Variants in CAAP1 observed in about 807,000 individuals in gnomAD.
The protein encoded by CAAP1 is conserved anti-apoptotic protein.
A neutral mutation model predicts 34.0 loss-of-function variants in CAAP1; 20 were observed. That is an observed-to-expected ratio of 0.59 (90% confidence interval 0.41 to 0.86). The LOEUF is 0.86. Ranked by LOEUF, CAAP1 falls within the 40% of genes least tolerant of loss-of-function variation. The probability of loss-of-function intolerance (pLI) is 0.00; values close to 1 mark genes in which losing one functional copy is unlikely to be tolerated. For synonymous variants in CAAP1, 213 were observed against 166.7 expected, an observed-to-expected ratio of 1.28 and a Z score of -2.14; for missense variants, 538 against 450.5, an observed-to-expected ratio of 1.19 and a Z score of -1.76.
intron 2 of CAAP1, 96 bp from the exon 3 acceptor site, chr9:26,886,284 C>G: frequency 2.0e-6 from 1 of 504,728 alleles, no homozygotes; most frequent in Non-Finnish European, 3.3e-6. Context: ...TTAGCAAAAT[C>G]TTACAATAAA....
chr9:26,872,327 T>A (rs1823297708), intron 4 of CAAP1, among the ~76,000 whole-genome samples: 1 of 152,134 alleles, frequency 6.6e-6, no homozygotes, highest in African/African-American at 2.4e-5. Flanking sequence ...AGTTGCAGAC[T>A]ACATAAGAAA....
chr9:26,875,378 CCT>C (rs1823403513), intron 4 of CAAP1, among the ~76,000 whole-genome samples: 1 of 151,844 alleles, frequency 6.6e-6, no homozygotes, highest in African/African-American at 2.4e-5. Context: ...AGAGTGAGAC[CCT>C]GTCTCAAAAT....
rs987352016 is a variant in CAAP1, at chr9:26,892,670, T to C, written c.46A>G (p.Ser16Gly). ...GCGAGCGCTGCGGCCGCCTCCTGAC[T>C]GCTACGTTTGCGCCGTTTCTCCCGG... ...SSREKRRKRS[S>G]QEAAAALAAP... Residue 16 changes from serine to glycine, a missense_variant, in exon 1 of 6, where the codon AGT becomes GGT. By Grantham distance (56) the Ser-to-Gly change is moderately conservative (BLOSUM62 0). This residue lies in a region of CAAP1 where 514 missense variants were observed against 408.4 expected (regional missense o/e 1.26). Transcript: ENST00000333916. 2 of 1,606,074 alleles carry C rather than the reference T, an allele frequency of 1.2e-6. No homozygotes were observed. Among genetic ancestry groups the C allele is most frequent in the South Asian group, 1.1e-5 (1 of 90,936 alleles).
Position 26,842,173 on chromosome 9 carries a change from G to T in CAAP1, c.*128C>A. ...AAAGAAACAGCCACAGGTAATTTAG[G>T]GCTAAAATGAGTCCTAATAAGGGTT... On this transcript the variant is annotated 3_prime_UTR_variant, in exon 6 of 6. Coordinates refer to ENST00000333916, the MANE Select transcript of CAAP1 (RefSeq NM_024828.4). The T allele has an allele frequency of 1.5e-6, 1 of 661,814 alleles. No homozygotes were observed. Among genetic ancestry groups the T allele is most frequent in the South Asian group, 2.6e-5 (1 of 38,928 alleles). The allele number at this position is 661,814 out of a possible 1,614,324, so 41.0% of individuals were successfully genotyped here. A position where few individuals can be genotyped will look rare whatever the true frequency, so the allele number is the denominator to read the frequency against.
intron 4 of CAAP1, among the ~76,000 whole-genome samples, chr9:26,870,972 C>T (rs1201671616): frequency 6.6e-6 from 1 of 152,064 alleles, no homozygotes; most frequent in African/African-American, 2.4e-5. Flanking sequence ...CAGATTTATG[C>T]TGCCCATCAA....
chr9:26,877,921 T>C (rs987457374), intron 4 of CAAP1, among the ~76,000 whole-genome samples: 1 of 151,848 alleles, frequency 6.6e-6, no homozygotes, highest in African/African-American at 2.4e-5. Flanking sequence ...TTCTTAATGT[T>C]TTAGTATTTT....
chr9:26,880,969 C>G (rs1354388539), intron 4 of CAAP1, among the ~76,000 whole-genome samples: 2 of 152,158 alleles, frequency 1.3e-5, no homozygotes, highest in African/African-American at 4.8e-5. Context: ...AGCAAGTGTG[C>G]CAAGCCCTCT....
rs772212142 is a variant in CAAP1 at position 26,842,376 on chromosome 9, C to T, written c.1011G>A (p.Glu337=). 2 of 1,614,104 alleles carry T rather than the reference C, an allele frequency of 1.2e-6. No homozygotes were observed. The highest frequency in any genetic ancestry group is 1.7e-6 in the Non-Finnish European group (2 of 1,180,010). ...EDVQPSAQQL[E]LLELEMRARA... ...TTGCCCTCATCTCAAGTTCTAGCAG[C>T]TCCAGTTGCTGTGCAGAAGGTTGAA... is the stretch of plus-strand genomic sequence containing the variant. Residue 337 remains glutamate, a synonymous_variant, in exon 6 of 6, where the codon GAG becomes GAA. Coordinates refer to ENST00000333916, the MANE Select transcript of CAAP1 (RefSeq NM_024828.4).
intron 5 of CAAP1, among the ~76,000 whole-genome samples, chr9:26,859,674 G>C (rs1404882682): frequency 1.3e-5 from 2 of 152,138 alleles, no homozygotes; most frequent in Non-Finnish European, 2.9e-5. Flanking sequence ...TATGTGTTTA[G>C]CATGTATTTA....
intron 4 of CAAP1, among the ~76,000 whole-genome samples, chr9:26,865,965 G>C (rs1042561480): frequency 6.6e-6 from 1 of 152,096 alleles, no homozygotes; most frequent in Non-Finnish European, 1.5e-5. Flanking sequence ...TCCTGCCTCA[G>C]CCACCCGAGT....
chr9:26,875,762 G>A (rs1823413479), intron 4 of CAAP1, among the ~76,000 whole-genome samples: 1 of 151,838 alleles, frequency 6.6e-6, no homozygotes, highest in African/African-American at 2.4e-5. Context: ...CTAATTTTTT[G>A]CATGCCCAGG....
At position 26,842,642 on chromosome 9, in the gene CAAP1, C is replaced by G. The variant is rs1822508597; in HGVS notation, c.745G>C (p.Gly249Arg). 1 of 1,589,864 alleles carries G rather than the reference C, an allele frequency of 6.3e-7. No individual in the cohort carries two copies. Among genetic ancestry groups the G allele is most frequent in the African/African-American group, 1.4e-5 (1 of 73,674 alleles). The change falls in exon 6 of 6, where the codon GGG (glycine) becomes CGG (arginine). Residue 249 changes from glycine to arginine, a missense_variant. By Grantham distance (125) the Gly-to-Arg change is moderately radical. Around this residue, in one of 3 missense-constraint regions of CAAP1, gnomAD observed 514 missense variants for 408.4 expected, o/e 1.26. Coordinates refer to ENST00000333916, the MANE Select transcript of CAAP1 (RefSeq NM_024828.4). ...PEGLELKQGK[G>R]EDSDVLSINA... Reference sequence around the variant, plus strand: ...ATACTGAGTACATCACTATCTTCCCCTTTTCCTGTAACCAAAAAAGGAGAA... The same window carrying G: ...ATACTGAGTACATCACTATCTTCCCGTTTTCCTGTAACCAAAAAAGGAGAA...
intron 5 of CAAP1, among the ~76,000 whole-genome samples, chr9:26,842,893 C>A (rs1822513523): frequency 6.6e-6 from 1 of 152,138 alleles, no homozygotes; most frequent in South Asian, 2.1e-4. Flanking sequence ...TAAGAAATTT[C>A]TTCCATCATA....
intron 5 of CAAP1, among the ~76,000 whole-genome samples, chr9:26,849,462 G>A (rs1013753720): frequency 1.3e-5 from 2 of 152,060 alleles, no homozygotes; most frequent in African/African-American, 4.8e-5. Flanking sequence ...TAGTTCTTTC[G>A]CTGCTCTGTA....
chr9:26,849,988 G>A (rs1221294932), intron 5 of CAAP1, among the ~76,000 whole-genome samples: 1 of 151,778 alleles, frequency 6.6e-6, no homozygotes. Flanking sequence ...ACAGACACCC[G>A]CCACCAAACC....
At chr9:26,847,198 ATTTTTTTTTT>A (rs1171628621) in intron 5 of CAAP1, among the ~76,000 whole-genome samples, 90 of 34,746 alleles carry the variant, frequency 2.6e-3, no homozygotes, top group South Asian at 8.1e-3. Flanking sequence ...AAAAAGCAAT[ATTTTTTTTTT>A]TTTTTTTTTT....
chr9:26,854,222 G>A (rs924068819), intron 5 of CAAP1, among the ~76,000 whole-genome samples: 1 of 152,152 alleles, frequency 6.6e-6, no homozygotes, highest in Non-Finnish European at 1.5e-5. Flanking sequence ...CATTTTGCAT[G>A]TATTAATTCA....
chr9:26,844,216 G>C (rs1191402428), intron 5 of CAAP1, among the ~76,000 whole-genome samples: 1 of 152,154 alleles, frequency 6.6e-6, no homozygotes, highest in Non-Finnish European at 1.5e-5. Context: ...AATTGGCCAG[G>C]CGTAGGGGCA....
chr9:26,876,185 T>C (rs917267406), intron 4 of CAAP1, among the ~76,000 whole-genome samples: 2 of 152,198 alleles, frequency 1.3e-5, no homozygotes, highest in Non-Finnish European at 2.9e-5. Context: ...TTCCCTGGCT[T>C]GTGGATCCTT....
Sources: allele counts gnomAD v4.1 joint callset (sites outside exome capture counted in the v4.1 genomes callset), GRCh38; gene constraint gnomAD v4.1.1; regional missense constraint gnomAD v4.1.1; transcripts MANE v1.5; gene names NCBI Gene and HGNC (gene_info 2026-07-23, HGNC 2026-07-21).